AUTS2: variants seen among roughly 807,000 people sequenced by gnomAD.
AUTS2 encodes autism susceptibility gene 2 protein.
In AUTS2, 17 loss-of-function variants were observed where a neutral mutation model predicts 112.4. That is an observed-to-expected ratio of 0.15 (90% CI 0.10 to 0.23). The LOEUF is 0.23. Ranked by LOEUF, AUTS2 falls within the 10% of genes least tolerant of loss-of-function variation. AUTS2 has a pLI of 1.00. For missense variants in AUTS2, 1,510 were observed against 1,701.6 expected (o/e 0.89, Z 1.98); for synonymous variants, 751 against 702.7 (o/e 1.07, Z -1.09).
chr7:69,815,332 A>ATATATC (rs1340428022), intron 1 of AUTS2, among the ~76,000 whole-genome samples: 1 of 152,096 alleles, frequency 6.6e-6, no homozygotes, highest in African/African-American at 2.4e-5. Flanking sequence ...CTATATATCT[A>ATATATC]TATATCTATA....
chr7:70,710,891 T>A (rs1810011105), intron 6 of AUTS2, among the ~76,000 whole-genome samples: 1 of 152,220 alleles, frequency 6.6e-6, no homozygotes, highest in Non-Finnish European at 1.5e-5. Context: ...TTTTGTGCAG[T>A]TGGCTGTAGA....
intron 1 of AUTS2, among the ~76,000 whole-genome samples, chr7:69,802,656 AAC>A (rs939618200): frequency 1.3e-5 from 2 of 152,170 alleles, no homozygotes; most frequent in Non-Finnish European, 2.9e-5. Context: ...CCTGTGCTAT[AAC>A]CATCATTGAT....
intron 4 of AUTS2, among the ~76,000 whole-genome samples, chr7:70,361,517 T>G (rs1025593071): frequency 5.3e-5 from 8 of 152,196 alleles, no homozygotes; most frequent in African/African-American, 1.7e-4. Flanking sequence ...AGAGCATTGC[T>G]GGGCTGCTTA....
At chr7:70,212,703 T>C (rs1353461949) in intron 4 of AUTS2, among the ~76,000 whole-genome samples, 2 of 149,380 alleles carry the variant, frequency 1.3e-5, no homozygotes, top group African/African-American at 2.5e-5. Flanking sequence ...AAAAAAAAAA[T>C]GTATGTTGAA....
chr7:70,461,737 G>A (rs1490114043), intron 5 of AUTS2, among the ~76,000 whole-genome samples: 3 of 152,060 alleles, frequency 2.0e-5, no homozygotes, highest in Admixed American at 6.5e-5. Flanking sequence ...CATAACAAGG[G>A]TGTGGTAGGA....
At chr7:69,961,299 C>T (rs989872983) in intron 2 of AUTS2, among the ~76,000 whole-genome samples, 2 of 152,080 alleles carry the variant, frequency 1.3e-5, no homozygotes, top group Non-Finnish European at 2.9e-5. Flanking sequence ...GTATAACTCC[C>T]TCTATCTCTG....
chr7:70,214,929 C>T (rs1171971062), intron 4 of AUTS2, among the ~76,000 whole-genome samples: 2 of 151,994 alleles, frequency 1.3e-5, no homozygotes, highest in African/African-American at 2.4e-5. Context: ...TATCTTTAAC[C>T]GTAGATGATA....
At chr7:69,698,598 C>T (rs114347143) in intron 1 of AUTS2, among the ~76,000 whole-genome samples, 85 of 152,226 alleles carry the variant, frequency 5.6e-4, no homozygotes, top group African/African-American at 1.5e-3. Context: ...CACACATGCC[C>T]GTGGTCTGCT....
At chr7:69,909,858 A>C (rs941359133) in intron 2 of AUTS2, among the ~76,000 whole-genome samples, 1 of 152,162 alleles carries the variant, frequency 6.6e-6, no homozygotes, top group Non-Finnish European at 1.5e-5. Context: ...ATTAGTGCAA[A>C]ATAATCTACC....
chr7:70,531,524 C>T (rs1005028435), intron 5 of AUTS2, among the ~76,000 whole-genome samples: 1 of 152,114 alleles, frequency 6.6e-6, no homozygotes, highest in African/African-American at 2.4e-5. Flanking sequence ...AGCTTTTATT[C>T]ATGGCAGAAG....
chr7:69,998,141 G>A (rs1799029180), intron 2 of AUTS2, among the ~76,000 whole-genome samples: 1 of 152,168 alleles, frequency 6.6e-6, no homozygotes, highest in East Asian at 1.9e-4. Context: ...CGTTGTTGCA[G>A]AGGAGTGATT....
At chr7:70,117,981 C>A in intron 2 of AUTS2, 151 bp from the exon 3 acceptor site, 1 of 994,498 alleles carries the variant, frequency 1.0e-6, no homozygotes, top group Non-Finnish European at 1.3e-6. Flanking sequence ...AACTCCTAAC[C>A]TCGTGATCCT....
intron 1 of AUTS2, among the ~76,000 whole-genome samples, chr7:69,746,281 A>G (rs564214332): frequency 6.6e-6 from 1 of 152,296 alleles, no homozygotes; most frequent in South Asian, 2.1e-4. Flanking sequence ...TGGATGCTTG[A>G]TAGGCTCTCC....
At chr7:69,943,308 T>C (rs888977545) in intron 2 of AUTS2, among the ~76,000 whole-genome samples, 3 of 152,230 alleles carry the variant, frequency 2.0e-5, no homozygotes, top group African/African-American at 7.2e-5. Context: ...ATGTTTCCTA[T>C]AAATATTAGC....
chr7:69,999,548 C>T (rs1156320059), intron 2 of AUTS2, among the ~76,000 whole-genome samples: 4 of 152,024 alleles, frequency 2.6e-5, no homozygotes, highest in Non-Finnish European at 5.9e-5. Context: ...TTAAAATGAC[C>T]TTTCTCTGTT....
chr7:69,856,719 G>T (rs1296747836), intron 1 of AUTS2, among the ~76,000 whole-genome samples: 3 of 152,306 alleles, frequency 2.0e-5, no homozygotes, highest in Middle Eastern at 3.4e-3. Context: ...GAAATAATGT[G>T]TGTGAGAGAG....
intron 1 of AUTS2, among the ~76,000 whole-genome samples, chr7:69,860,898 C>T (rs932309888): frequency 6.6e-6 from 1 of 152,194 alleles, no homozygotes; most frequent in Non-Finnish European, 1.5e-5. Context: ...TACTTTTCCT[C>T]TGAAAGAACT....
At chr7:70,782,140 G>A (rs1346150479) in intron 15 of AUTS2, 2 of 176,220 alleles carry the variant, frequency 1.1e-5, no homozygotes, top group East Asian at 1.7e-4. Flanking sequence ...TTAATACGGT[G>A]CCCGCAGAGC....
intron 5 of AUTS2, among the ~76,000 whole-genome samples, chr7:70,516,738 A>G (rs1056463447): frequency 2.0e-5 from 3 of 152,242 alleles, no homozygotes; most frequent in Non-Finnish European, 2.9e-5. Context: ...CTTGTGTGGC[A>G]CTGTACAAAT....
Sources: gnomAD v4.1 joint callset for allele counts (sites outside exome capture counted in the v4.1 genomes callset) on GRCh38, gnomAD v4.1.1 for gene constraint, MANE v1.5 for transcripts, NCBI Gene and HGNC (gene_info 2026-07-23, HGNC 2026-07-21) for gene names.